Variants in PDLIM5 observed in about 807,000 individuals in gnomAD.
PDLIM5 encodes the protein PDZ and LIM domain protein 5.
PDLIM5 carries 34 observed loss-of-function variants against 64.2 expected under a neutral mutation model. That is an observed-to-expected ratio of 0.53 (90% CI 0.40 to 0.71). The LOEUF is 0.71. Ranked by LOEUF, PDLIM5 falls within the 30% of genes least tolerant of loss-of-function variation. PDLIM5 has a pLI of 0.00. For missense variants in PDLIM5, 683 were observed against 733.6 expected, an observed-to-expected ratio of 0.93 and a Z score of 0.80; for synonymous variants, 253 against 269.1, an observed-to-expected ratio of 0.94 and a Z score of 0.59.
rs568073609 is a variant in PDLIM5 at position 94,586,619 on chromosome 4, G to T, written c.920+175G>T. 2.2e-3 allele frequency among the ~76,000 whole-genome samples: 330 copies of T among 152,272 alleles called. 1 individual carries two copies. Among genetic ancestry groups the T allele is most frequent in the African/African-American group, 7.2e-3 (298 of 41,550 alleles). On this transcript the variant is annotated intron_variant, in intron 7 of 12. Coordinates refer to ENST00000317968, the MANE Select transcript of PDLIM5 (RefSeq NM_006457.5). ...AATGTACAACTTGCAGATTTTAAAA[G>T]TAGTAGATATTGTCTGGATTTTAAG...
chr4:94,488,500 A>G (rs1726558048), intron 2 of PDLIM5, among the ~76,000 whole-genome samples: 1 of 152,166 alleles, frequency 6.6e-6, no homozygotes, highest in South Asian at 2.1e-4. Flanking sequence ...ACTTGCTTCT[A>G]CTTTGAATAG....
chr4:94,536,269 A>C (rs1183674658), intron 3 of PDLIM5, among the ~76,000 whole-genome samples: 1 of 152,198 alleles, frequency 6.6e-6, no homozygotes, highest in East Asian at 1.9e-4. Flanking sequence ...AGACAGCTGA[A>C]GGAGTAACAT....
chr4:94,553,778 T>A lies in PDLIM5; in HGVS notation c.249-19573T>A, dbSNP rs193222214. Among the ~76,000 whole-genome samples the A allele has an allele frequency of 4.3e-3, 657 of 152,334 alleles. 6 individuals are homozygous for A. The highest frequency in any genetic ancestry group is 0.015 in the African/African-American group (618 of 41,584). ...TGTGTTATGTTTACCACCTGCATGT[T>A]TGAAATCCATTTCTTACCAAGAAAT... On this transcript the variant is annotated intron_variant, in intron 3 of 12. Coordinates refer to ENST00000317968, the MANE Select transcript of PDLIM5 (RefSeq NM_006457.5).
chr4:94,588,563 CTAAA>C (rs70946537), intron 7 of PDLIM5, among the ~76,000 whole-genome samples: 40,868 of 145,692 alleles, frequency 0.28, 6,507 homozygotes, highest in South Asian at 0.51. Context: ...AACTCCATCT[CTAAA>C]TAAATAAATA....
At chr4:94,578,685 A>G (rs1166047691) in intron 5 of PDLIM5, among the ~76,000 whole-genome samples, 1 of 152,126 alleles carries the variant, frequency 6.6e-6, no homozygotes, top group African/African-American at 2.4e-5. Context: ...CATTTTTTGC[A>G]TAAGTTGTCA....
chr4:94,523,190 T>A (rs1054045746), intron 2 of PDLIM5, among the ~76,000 whole-genome samples: 1 of 152,178 alleles, frequency 6.6e-6, no homozygotes, highest in Non-Finnish European at 1.5e-5. Context: ...ATAAAAGATA[T>A]TTGGGCTTGG....
At chr4:94,470,384 G>T (rs187949166) in intron 2 of PDLIM5, among the ~76,000 whole-genome samples, 102 of 152,196 alleles carry the variant, frequency 6.7e-4, no homozygotes, top group African/African-American at 2.4e-3. Flanking sequence ...ACACATTCAG[G>T]AGTTGTTTAC....
At chr4:94,582,277 A>C (rs1301337043) in intron 5 of PDLIM5, among the ~76,000 whole-genome samples, 4 of 152,160 alleles carry the variant, frequency 2.6e-5, no homozygotes, top group Non-Finnish European at 5.9e-5. Flanking sequence ...ATCTATTTCT[A>C]CATTTTACAT....
intron 2 of PDLIM5, among the ~76,000 whole-genome samples, chr4:94,470,614 AAT>A (rs1172706923): frequency 6.6e-6 from 1 of 152,122 alleles, no homozygotes; most frequent in Non-Finnish European, 1.5e-5. Flanking sequence ...TATAAGTTTT[AAT>A]ATGTTTTTCA....
intron 8 of PDLIM5, among the ~76,000 whole-genome samples, chr4:94,618,784 C>G (rs185656074): frequency 3.0e-4 from 46 of 152,298 alleles, no homozygotes; most frequent in Non-Finnish European, 6.3e-4. Flanking sequence ...CCTCAGTTTT[C>G]TGATCTGCAA....
intron 1 of PDLIM5, 104 bp downstream of exon 1, chr4:94,452,099 AC>A (rs1722899261): frequency 6.6e-6 from 1 of 152,264 alleles, no homozygotes; most frequent in Non-Finnish European, 1.5e-5. Flanking sequence ...CCGGTTGGGG[AC>A]GAGGAGGGGG....
At chr4:94,632,764 T>C (rs1740258809) in intron 8 of PDLIM5, among the ~76,000 whole-genome samples, 1 of 152,176 alleles carries the variant, frequency 6.6e-6, no homozygotes, top group Admixed American at 6.5e-5. Context: ...AGAGTGATAC[T>C]ATGTGAAAAC....
chr4:94,573,888 C>T (rs1735021885), intron 4 of PDLIM5, among the ~76,000 whole-genome samples: 1 of 152,100 alleles, frequency 6.6e-6, no homozygotes, highest in African/African-American at 2.4e-5. Flanking sequence ...TGGGGGCTTT[C>T]TCCCTAATTT....
intron 7 of PDLIM5, chr4:94,587,391 G>A (rs1736321498): frequency 1.3e-5 from 14 of 1,091,764 alleles, no homozygotes; most frequent in Non-Finnish European, 1.6e-5. Flanking sequence ...ATTTTCATAA[G>A]TTGAATTTGG....
rs541886385 is a variant in PDLIM5, at chr4:94,493,838, A to G, written c.97-29886A>G. Among the ~76,000 whole-genome samples the G allele has an allele frequency of 2.0e-5, 3 of 152,308 alleles. 1 individual carries two copies. In the East Asian group the frequency reaches 5.8e-4, roughly 29 times the overall value. Reference sequence around the variant, plus strand: ...TGTACATTTTTCATAGACTATTGTAATCTGCCTTCTCACTGTATACATTAG... The same window carrying G: ...TGTACATTTTTCATAGACTATTGTAGTCTGCCTTCTCACTGTATACATTAG... On this transcript the variant is annotated intron_variant, in intron 2 of 12. Coordinates refer to ENST00000317968, the MANE Select transcript of PDLIM5 (RefSeq NM_006457.5).
intron 2 of PDLIM5, among the ~76,000 whole-genome samples, chr4:94,474,373 C>T (rs1336130477): frequency 6.6e-6 from 1 of 152,164 alleles, no homozygotes; most frequent in East Asian, 1.9e-4. Flanking sequence ...GCCTCAGCCT[C>T]CCGAGCGGCT....
chr4:94,538,564 A>G lies in PDLIM5; in HGVS notation c.248+14689A>G, dbSNP rs111696545. On this transcript the variant is annotated intron_variant, in intron 3 of 12. Transcript: ENST00000317968. Reference sequence around the variant, plus strand: ...TTGACCTTGCTCTGCTGCTTTCTCCATCTATTTTGTGGACTAATTACAATG... The same window carrying G: ...TTGACCTTGCTCTGCTGCTTTCTCCGTCTATTTTGTGGACTAATTACAATG... Among the ~76,000 whole-genome samples, 5 of 152,202 alleles carry G rather than the reference A, an allele frequency of 3.3e-5. 1 individual carries two copies. Among genetic ancestry groups the G allele is most frequent in the African/African-American group, 1.2e-4 (5 of 41,544 alleles).
intron 2 of PDLIM5, among the ~76,000 whole-genome samples, chr4:94,494,741 C>T (rs1178458125): frequency 1.3e-5 from 2 of 151,144 alleles, no homozygotes; most frequent in East Asian, 2.0e-4. Context: ...TGCCTGACCA[C>T]AGTTTTTTTG....
At chr4:94,464,548 G>C (rs1724178560) in intron 2 of PDLIM5, among the ~76,000 whole-genome samples, 1 of 152,228 alleles carries the variant, frequency 6.6e-6, no homozygotes, top group South Asian at 2.1e-4. Context: ...AACGTTACCG[G>C]AGGACAGATG....
Sources: gnomAD v4.1 joint callset for allele counts (sites outside exome capture counted in the v4.1 genomes callset) on GRCh38, gnomAD v4.1.1 for gene constraint, MANE v1.5 for transcripts, NCBI Gene and HGNC (gene_info 2026-07-23, HGNC 2026-07-21) for gene names.